FOXO1: variants seen among roughly 807,000 people sequenced by gnomAD.
FOXO1 encodes the protein forkhead box O1, also known as forkhead box protein O1.
FOXO1 carries 6 observed loss-of-function variants against 44.1 expected under a neutral mutation model. The observed-to-expected ratio is 0.14, with a 90% CI of 0.07 to 0.27. The LOEUF (loss-of-function observed/expected upper bound fraction) is 0.27. FOXO1 is among the 10% of genes least tolerant of loss of function. The pLI is 1.00. For missense variants in FOXO1, 737 were observed against 888.8 expected (o/e 0.83, Z 2.17); for synonymous variants, 380 against 362.7 (o/e 1.05, Z -0.54).
chr13:40,558,934 T>C lies in FOXO1; in HGVS notation c.*115A>G. 2.5e-6 allele frequency: 1 copy of C among 398,638 alleles called. No individual in the cohort carries two copies. The highest frequency in any genetic ancestry group is 4.4e-6 in the Non-Finnish European group (1 of 225,964). The allele number at this position is 398,638 out of a possible 1,614,324, so 24.7% of individuals were successfully genotyped here. On this transcript the variant is annotated 3_prime_UTR_variant, in exon 3 of 3. Coordinates refer to ENST00000379561, the MANE Select transcript of FOXO1 (RefSeq NM_002015.4). ...AGGAGGGTTTTTTTTTTTGTTTTTT[T>C]TTTTAACCAAGAAAACTAAAAGGGA...
At chr13:40,648,325 C>T (rs1593414383) in intron 1 of FOXO1, among the ~76,000 whole-genome samples, 1 of 152,180 alleles carries the variant, frequency 6.6e-6, no homozygotes, top group African/African-American at 2.4e-5. Context: ...ACTGTTGATA[C>T]TCTGTACTGA....
At chr13:40,625,840 C>G (rs1171087379) in intron 1 of FOXO1, among the ~76,000 whole-genome samples, 1 of 152,126 alleles carries the variant, frequency 6.6e-6, no homozygotes, top group African/African-American at 2.4e-5. Flanking sequence ...CACACATTTT[C>G]AAAAGCAATC....
chr13:40,563,171 C>T (rs1233236557), intron 1 of FOXO1, among the ~76,000 whole-genome samples: 3 of 152,224 alleles, frequency 2.0e-5, no homozygotes, highest in African/African-American at 4.8e-5. Flanking sequence ...GCAGCCACAG[C>T]GCCCACATCC....
At chr13:40,642,010 C>A (rs895300542) in intron 1 of FOXO1, among the ~76,000 whole-genome samples, 1 of 152,082 alleles carries the variant, frequency 6.6e-6, no homozygotes, top group African/African-American at 2.4e-5. Flanking sequence ...TAAATAAATA[C>A]ACATTGGCAT....
In FOXO1 at chr13:40,620,276, T is replaced by A. The variant is rs981914625; in HGVS notation, c.630+45307A>T. On this transcript the variant is annotated intron_variant, in intron 1 of 2. Coordinates refer to ENST00000379561, the MANE Select transcript of FOXO1 (RefSeq NM_002015.4). ...GGAGAAAATAGAGATCAGGACAGTA[T>A]TGCAAACAGAACTCATCCAGAGTAG... The A allele has an allele frequency of 3.2e-6, 4 of 1,252,210 alleles. No homozygotes were observed. In the African/African-American group the frequency reaches 5.9e-5, roughly 18 times the overall value. 77.6% of individuals were successfully genotyped at this position (1,252,210 alleles called of 1,614,324 possible). A position where few individuals can be genotyped will look rare whatever the true frequency, so the allele number is the denominator to read the frequency against.
intron 1 of FOXO1, among the ~76,000 whole-genome samples, chr13:40,641,218 C>T (rs1019607750): frequency 2.6e-5 from 4 of 152,074 alleles, no homozygotes; most frequent in African/African-American, 7.2e-5. Flanking sequence ...GTGAAGCCAA[C>T]TAAATAGAGC....
intron 1 of FOXO1, among the ~76,000 whole-genome samples, chr13:40,632,557 G>A (rs956779761): frequency 6.6e-6 from 1 of 151,966 alleles, no homozygotes; most frequent in Non-Finnish European, 1.5e-5. Context: ...AATATCTCTT[G>A]AGCCCGGGAG....
chr13:40,664,293 T>G (rs995055792), intron 1 of FOXO1, among the ~76,000 whole-genome samples: 9 of 152,058 alleles, frequency 5.9e-5, no homozygotes. Context: ...GGGAGGTGTT[T>G]AGCTCAACTA....
chr13:40,558,943 A>G lies in FOXO1; in HGVS notation c.*106T>C, dbSNP rs3751437. On this transcript the variant is annotated 3_prime_UTR_variant, in exon 3 of 3. Coordinates refer to ENST00000379561, the MANE Select transcript of FOXO1 (RefSeq NM_002015.4). ...TTTTTTTTTGTTTTTTTTTTTAACCAAGAAAACTAAAAGGGAGTTGGTGAA... is the reference window on the plus strand; with the variant it reads ...TTTTTTTTTGTTTTTTTTTTTAACCGAGAAAACTAAAAGGGAGTTGGTGAA... The G allele has an allele frequency of 0.2, 80,679 of 395,628 alleles. 8,867 individuals carry two copies. Among genetic ancestry groups the G allele is most frequent in the Non-Finnish European group, 0.24 (53,977 of 225,346 alleles). The allele number at this position is 395,628 out of a possible 1,614,324, so 24.5% of individuals were successfully genotyped here.
At chr13:40,647,095 C>T (rs538783501) in intron 1 of FOXO1, among the ~76,000 whole-genome samples, 1 of 152,268 alleles carries the variant, frequency 6.6e-6, no homozygotes, top group East Asian at 1.9e-4. Context: ...TAAAGGAAGT[C>T]TACATTAGTA....
In FOXO1 at chr13:40,570,817, G is replaced by A. The variant is rs142793802; in HGVS notation, c.631-9957C>T. ...AGTCTCCTGTACCATTCAATACTAT[G>A]GGCTCTATGCACTATCAGAAACAAA... On this transcript the variant is annotated intron_variant, in intron 1 of 2. Transcript: ENST00000379561. Among the ~76,000 whole-genome samples the A allele has an allele frequency of 4.4e-3, 666 of 152,244 alleles. 5 individuals are homozygous for A. Among genetic ancestry groups the A allele is most frequent in the African/African-American group, 0.014 (575 of 41,536 alleles).
chr13:40,578,727 CCA>C (rs1874851514), intron 1 of FOXO1, among the ~76,000 whole-genome samples: 1 of 152,154 alleles, frequency 6.6e-6, no homozygotes, highest in South Asian at 2.1e-4. Context: ...GACACTCTGG[CCA>C]CACAGAATTA....
intron 1 of FOXO1, among the ~76,000 whole-genome samples, chr13:40,563,537 G>A (rs1468318064): frequency 4.6e-5 from 7 of 152,042 alleles, no homozygotes; most frequent in African/African-American, 9.7e-5. Context: ...CCAGATTCCC[G>A]GCTGGAACGG....
chr13:40,611,670 C>T (rs894202984), intron 1 of FOXO1, among the ~76,000 whole-genome samples: 6 of 152,168 alleles, frequency 3.9e-5, no homozygotes, highest in African/African-American at 1.4e-4. Context: ...CTAAAACACA[C>T]GGAAGCTGTG....
chr13:40,597,189 T>G (rs1460195687), intron 1 of FOXO1, among the ~76,000 whole-genome samples: 1 of 126,672 alleles, frequency 7.9e-6, no homozygotes, highest in Non-Finnish European at 1.6e-5. Context: ...CTTTAATATC[T>G]AGTCTTTCCT....
At chr13:40,651,292 C>T (rs533587608) in intron 1 of FOXO1, among the ~76,000 whole-genome samples, 12 of 152,200 alleles carry the variant, frequency 7.9e-5, no homozygotes, top group African/African-American at 2.9e-4. Flanking sequence ...CAGTTCAGAA[C>T]ACTGAAAGTA....
chr13:40,599,307 T>C (rs960469888), intron 1 of FOXO1, among the ~76,000 whole-genome samples: 1 of 152,038 alleles, frequency 6.6e-6, no homozygotes, highest in African/African-American at 2.4e-5. Context: ...TGAGAGCGAC[T>C]GCTTCTGTCT....
At chr13:40,633,717 G>C (rs993366013) in intron 1 of FOXO1, among the ~76,000 whole-genome samples, 2 of 152,136 alleles carry the variant, frequency 1.3e-5, no homozygotes, top group African/African-American at 4.8e-5. Context: ...AAAAACTATT[G>C]AATTGTACTC....
intron 1 of FOXO1, among the ~76,000 whole-genome samples, chr13:40,581,066 G>C (rs1874937722): frequency 6.6e-6 from 1 of 152,172 alleles, no homozygotes; most frequent in East Asian, 1.9e-4. Flanking sequence ...AACTACAAAA[G>C]GAAATGAAAT....
Sources: gnomAD v4.1 joint callset for allele counts (sites outside exome capture counted in the v4.1 genomes callset) on GRCh38, gnomAD v4.1.1 for gene constraint, MANE v1.5 for transcripts, NCBI Gene and HGNC (gene_info 2026-07-23, HGNC 2026-07-21) for gene names.